LRIG2: variants seen among roughly 807,000 people sequenced by gnomAD.
The protein encoded by LRIG2 is leucine-rich repeats and immunoglobulin-like domains protein 2.
A neutral mutation model predicts 107.8 loss-of-function variants in LRIG2; 93 were observed. The observed-to-expected ratio is 0.86, with a 90% CI of 0.73 to 1.03. LRIG2 has a LOEUF of 1.03. Ranked by LOEUF, LRIG2 falls within the 50% of genes least tolerant of loss-of-function variation. LRIG2 has a pLI of 0.00. For missense variants in LRIG2, 1,226 were observed against 1,296.0 expected, an observed-to-expected ratio of 0.95 and a Z score of 0.83; for synonymous variants, 471 against 470.6, an observed-to-expected ratio of 1.00 and a Z score of -0.01.
intron 4 of LRIG2, among the ~76,000 whole-genome samples, chr1:113,093,861 G>A (rs1298154379): frequency 1.3e-5 from 2 of 152,288 alleles, no homozygotes; most frequent in East Asian, 3.9e-4. Flanking sequence ...TATTTATTGT[G>A]CTTTTTATAT....
At chr1:113,079,740 C>CTTT (rs1052163783) in intron 1 of LRIG2, among the ~76,000 whole-genome samples, 9 of 128,822 alleles carry the variant, frequency 7.0e-5, no homozygotes, top group Non-Finnish European at 8.3e-5. Context: ...CAGGAGAAAT[C>CTTT]TTTTTTTTTT....
chr1:113,125,124 C>T lies in LRIG2; in HGVS notation c.*1023C>T, dbSNP rs986315741. Reference sequence around the variant, plus strand: ...AAGGCTGCAGTGAGCTGTGTGAAGCCACTGCATCCCAGCCTGGGTGACAGA... The same window carrying T: ...AAGGCTGCAGTGAGCTGTGTGAAGCTACTGCATCCCAGCCTGGGTGACAGA... On this transcript the variant is annotated 3_prime_UTR_variant, in exon 18 of 18. Transcript: ENST00000361127. 8 of 152,136 alleles carry T rather than the reference C, an allele frequency of 5.3e-5. No homozygotes were observed. The highest frequency in any genetic ancestry group is 1.9e-4 in the African/African-American group (8 of 41,422). 9.4% of individuals were successfully genotyped at this position (152,136 alleles called of 1,614,324 possible).
Position 113,128,480 on chromosome 1 carries a change from G to A in LRIG2, c.*4379G>A, listed in dbSNP as rs543021102. ...AAATGAGGACATTTTTCTAGATGCT[G>A]TAAAGCCCTTTCCAGCTGTAACATT... is the stretch of plus-strand genomic sequence containing the variant. On this transcript the variant is annotated 3_prime_UTR_variant, in exon 18 of 18. Coordinates refer to ENST00000361127, the MANE Select transcript of LRIG2 (RefSeq NM_014813.3). The A allele has an allele frequency of 1.3e-5, 2 of 152,290 alleles. No homozygotes were observed. The highest frequency in any genetic ancestry group is 2.1e-4 in the South Asian group (1 of 4,828). The allele number at this position is 152,290 out of a possible 1,614,324, so 9.4% of individuals were successfully genotyped here. A position where few individuals can be genotyped will look rare whatever the true frequency, so the allele number is the denominator to read the frequency against.
intron 17 of LRIG2, among the ~76,000 whole-genome samples, chr1:113,121,261 C>T (rs1655241121): frequency 6.6e-6 from 1 of 152,222 alleles, no homozygotes; most frequent in Non-Finnish European, 1.5e-5. Flanking sequence ...CCCTGTCTCA[C>T]ATGGCCCAGG....
In LRIG2 at chr1:113,122,076, T is replaced by A. The variant is rs376317266; in HGVS notation, c.2972-1799T>A. Among the ~76,000 whole-genome samples, 50 of 11,614 alleles carry A rather than the reference T, an allele frequency of 4.3e-3. 1 individual carries two copies. Among genetic ancestry groups the A allele is most frequent in the Admixed American group, 0.042 (42 of 998 alleles). The allele number at this position is 11,614 out of a possible 152,430, so 7.6% of individuals were successfully genotyped here. ...TGCAAGTATCTGAGTTAGGCTCACCTTTTTTTTTTTTTTTTTTTTTTTGAG... is the reference window on the plus strand; with the variant it reads ...TGCAAGTATCTGAGTTAGGCTCACCATTTTTTTTTTTTTTTTTTTTTTGAG... On this transcript the variant is annotated intron_variant, in intron 17 of 17. Transcript: ENST00000361127.
At position 113,130,508 on chromosome 1, in the gene LRIG2, C is replaced by CTCTT. The variant is rs1450371660; in HGVS notation, c.*6409_*6412dup. 6.6e-6 allele frequency: 1 copy of CTCTT among 152,068 alleles called. No individual in the cohort carries two copies. The highest frequency in any genetic ancestry group is 6.5e-5 in the Admixed American group (1 of 15,268). The allele number at this position is 152,068 out of a possible 1,614,324, so 9.4% of individuals were successfully genotyped here. Reference sequence around the variant, plus strand: ...ACTTGCTAATAAATTTTTGTGTAGGCTCTTTAGTAAATTTATCTGATAATG... The same window carrying CTCTT: ...ACTTGCTAATAAATTTTTGTGTAGGCTCTTTCTTTAGTAAATTTATCTGATAATG... On this transcript the variant is annotated 3_prime_UTR_variant, in exon 18 of 18. Coordinates refer to ENST00000361127, the MANE Select transcript of LRIG2 (RefSeq NM_014813.3).
intron 14 of LRIG2, among the ~76,000 whole-genome samples, chr1:113,113,029 TC>T (rs1159984696): frequency 6.6e-6 from 1 of 152,152 alleles, no homozygotes; most frequent in Non-Finnish European, 1.5e-5. Flanking sequence ...TCTTTTTAAG[TC>T]CCTCTCTGTA....
At position 113,073,279 on chromosome 1, in the gene LRIG2, G is replaced by C. The variant is rs999239591; in HGVS notation, c.-128G>C. On this transcript the variant is annotated 5_prime_UTR_variant, in exon 1 of 18. Transcript: ENST00000361127. ...TGCGTCTGCTCCTTGCATGCCTTTAGATGGTACAGCCTTCAGCCGGGGCTT... is the reference window on the plus strand; with the variant it reads ...TGCGTCTGCTCCTTGCATGCCTTTACATGGTACAGCCTTCAGCCGGGGCTT... 1.3e-6 allele frequency: 1 copy of C among 783,974 alleles called. No individual in the cohort carries two copies. The highest frequency in any genetic ancestry group is 1.7e-5 in the African/African-American group (1 of 57,942). The allele number at this position is 783,974 out of a possible 1,614,324, so 48.6% of individuals were successfully genotyped here.
At chr1:113,091,412 T>C (rs965091718) in intron 2 of LRIG2, 29 bp downstream of exon 2, 1 of 1,415,712 alleles carries the variant, frequency 7.1e-7, no homozygotes, top group Non-Finnish European at 9.8e-7. Flanking sequence ...TTTAAAGTTA[T>C]GTTAAATTCC....
intron 12 of LRIG2, 133 bp downstream of exon 12, chr1:113,107,890 C>A: frequency 2.6e-6 from 2 of 757,976 alleles, no homozygotes; most frequent in Non-Finnish European, 4.1e-6. Context: ...TAAAAATGAT[C>A]ACAGGCATTT....
At chr1:113,076,195 G>A (rs772311010) in intron 1 of LRIG2, among the ~76,000 whole-genome samples, 17 of 151,694 alleles carry the variant, frequency 1.1e-4, no homozygotes, top group African/African-American at 1.9e-4. Context: ...CAGTAGAGAC[G>A]GGGTTTCACC....
At chr1:113,116,149 T>C (rs1347703945) in intron 15 of LRIG2, 138 bp from the exon 16 acceptor site, 2 of 527,188 alleles carry the variant, frequency 3.8e-6, no homozygotes, top group African/African-American at 1.9e-5. Context: ...TTAGGGGAAG[T>C]ACCAAGAGCT....
chr1:113,073,870 T>G (rs1652828768), intron 1 of LRIG2, among the ~76,000 whole-genome samples: 1 of 151,408 alleles, frequency 6.6e-6, no homozygotes, highest in Admixed American at 6.6e-5. Flanking sequence ...TTAAGATTCT[T>G]GGGGCCAAGG....
In LRIG2 at chr1:113,107,534, T is replaced by C. The variant is rs566857242; in HGVS notation, c.1314-60T>C. On this transcript the variant is annotated intron_variant, in intron 11 of 17. Coordinates refer to ENST00000361127, the MANE Select transcript of LRIG2 (RefSeq NM_014813.3). ...TAGGTGTGTGGTAAGGTTTTAATAC[T>C]GAAGACGTTTAGAATGAAAAGTAAA... 7 of 1,502,138 alleles carry C rather than the reference T, an allele frequency of 4.7e-6. No homozygotes were observed. The East Asian group carries it at 1.6e-4, about 34-fold the overall frequency. 93.1% of individuals were successfully genotyped at this position (1,502,138 alleles called of 1,614,324 possible).
At chr1:113,078,342 G>A (rs1007478910) in intron 1 of LRIG2, among the ~76,000 whole-genome samples, 21 of 151,806 alleles carry the variant, frequency 1.4e-4, no homozygotes, top group Non-Finnish European at 1.0e-4. Flanking sequence ...GGGTTTGAGC[G>A]ATTCTCCTGC....
At position 113,094,486 on chromosome 1, in the gene LRIG2, A is replaced by G. The variant is rs775854126; in HGVS notation, c.659+4A>G. The G allele has an allele frequency of 6.2e-7, 1 of 1,605,254 alleles. No individual in the cohort carries two copies. The highest frequency in any genetic ancestry group is 1.1e-5 in the South Asian group (1 of 87,732). ...AGCTGCCTCACCTCCAATTCTTGTG[A>G]GTAACGAAATAGACGGATTATAAGA... On this transcript the variant is annotated splice_donor_region_variant and intron_variant, in intron 5 of 17. Transcript: ENST00000361127.
chr1:113,097,182 TATATAA>T lies in LRIG2; in HGVS notation c.1091+823_1091+828del, dbSNP rs535655481. Among the ~76,000 whole-genome samples the T allele has an allele frequency of 2.6e-3, 393 of 150,698 alleles. 4 individuals carry two copies. The highest frequency in any genetic ancestry group is 8.9e-3 in the African/African-American group (366 of 41,136). On this transcript the variant is annotated intron_variant, in intron 8 of 17. Transcript: ENST00000361127. Reference sequence around the variant, plus strand: ...TGTTTTTGTGAACTTTATATATTTATATATAAATATATCTAATTTTAGAATATAATT... The same window carrying T: ...TGTTTTTGTGAACTTTATATATTTATATATATCTAATTTTAGAATATAATT...
chr1:113,078,243 T>C (rs1409808413), intron 1 of LRIG2, among the ~76,000 whole-genome samples: 2 of 151,728 alleles, frequency 1.3e-5, no homozygotes, highest in African/African-American at 4.8e-5. Context: ...GTGGATTTAG[T>C]CTTTTTTTTT....
intron 11 of LRIG2, among the ~76,000 whole-genome samples, chr1:113,101,176 T>TTCTC (rs1654293389): frequency 6.6e-6 from 1 of 152,072 alleles, no homozygotes; most frequent in African/African-American, 2.4e-5. Context: ...GTTCAAGCGG[T>TTCTC]TCTCACCTCA....
Sources: allele counts gnomAD v4.1 joint callset (sites outside exome capture counted in the v4.1 genomes callset), GRCh38; gene constraint gnomAD v4.1.1; transcripts MANE v1.5; gene names NCBI Gene and HGNC (gene_info 2026-07-23, HGNC 2026-07-21).